RYR3: variants seen among roughly 807,000 people sequenced by gnomAD.
RYR3 encodes the protein brain ryanodine receptor-calcium release channel.
RYR3 carries 207 observed loss-of-function variants against 584.3 expected under a neutral mutation model. The ratio of observed to expected loss-of-function variants is 0.35; its 90% CI spans 0.32 to 0.40. The LOEUF is 0.40. RYR3 is among the 10% of genes least tolerant of loss of function. The probability of loss-of-function intolerance (pLI) is 1.00; values close to 1 mark genes in which losing one functional copy is unlikely to be tolerated. For missense variants in RYR3, 5,616 were observed against 6,089.2 expected (o/e 0.92, Z 2.59); for synonymous variants, 2,416 against 2,248.5 (o/e 1.07, Z -2.11).
intron 12 of RYR3, among the ~76,000 whole-genome samples, chr15:33,570,447 T>C (rs1321158215): frequency 6.6e-6 from 1 of 152,186 alleles, no homozygotes; most frequent in Non-Finnish European, 1.5e-5. Context: ...TATATGCCTG[T>C]CATTATTCCA....
intron 21 of RYR3, 22 bp downstream of exon 21, chr15:33,628,597 TAGGGTGG>T: frequency 6.7e-7 from 1 of 1,487,098 alleles, no homozygotes; most frequent in South Asian, 1.1e-5. Flanking sequence ...AGGGCCAGGT[TAGGGTGG>T]AGGGTGGGAT....
At chr15:33,756,662 T>G (rs1008381384) in intron 59 of RYR3, among the ~76,000 whole-genome samples, 1 of 152,124 alleles carries the variant, frequency 6.6e-6, no homozygotes, top group South Asian at 2.1e-4. Context: ...TCACCTGCAC[T>G]GCATCTGTGG....
At chr15:33,819,038 G>A (rs1173860845) in intron 76 of RYR3, among the ~76,000 whole-genome samples, 5 of 152,138 alleles carry the variant, frequency 3.3e-5, no homozygotes, top group African/African-American at 7.2e-5. Context: ...CAGGACAATC[G>A]CTTGAACCCG....
intron 94 of RYR3, 64 bp downstream of exon 94, chr15:33,848,485 T>A: frequency 6.5e-7 from 1 of 1,528,680 alleles, no homozygotes. Flanking sequence ...AGAGTAACTC[T>A]TTCCTCCTGG....
chr15:33,448,076 G>A (rs2141946294), intron 1 of RYR3, among the ~76,000 whole-genome samples: 1 of 152,268 alleles, frequency 6.6e-6, no homozygotes, highest in South Asian at 2.1e-4. Context: ...GGTTAAATTG[G>A]AGCAAAGCAA....
intron 2 of RYR3, among the ~76,000 whole-genome samples, chr15:33,474,657 C>T (rs2049219570): frequency 6.6e-6 from 1 of 152,180 alleles, no homozygotes; most frequent in African/African-American, 2.4e-5. Flanking sequence ...CACCATCACA[C>T]CCTCTAAGCT....
At chr15:33,664,427 G>A (rs983586819) in intron 36 of RYR3, among the ~76,000 whole-genome samples, 5 of 152,004 alleles carry the variant, frequency 3.3e-5, no homozygotes, top group Admixed American at 3.3e-4. Context: ...TTTCCCCGCT[G>A]CTCAGTGGCT....
chr15:33,834,922 C>T (rs2077940185), intron 86 of RYR3, 46 bp from the exon 87 acceptor site: 1 of 1,506,128 alleles, frequency 6.6e-7, no homozygotes, highest in East Asian at 2.3e-5. Context: ...GGTTTCAGAG[C>T]AACTTGTGAT....
intron 2 of RYR3, among the ~76,000 whole-genome samples, chr15:33,495,012 G>T (rs2142568564): frequency 6.6e-6 from 1 of 152,254 alleles, no homozygotes; most frequent in South Asian, 2.1e-4. Context: ...CGTTTTGGAA[G>T]AAAAAGCTTA....
intron 16 of RYR3, among the ~76,000 whole-genome samples, chr15:33,590,299 C>A (rs758745047): frequency 6.6e-6 from 1 of 152,128 alleles, no homozygotes; most frequent in Admixed American, 6.6e-5. Flanking sequence ...TCAGGGGATA[C>A]GTTGGCTTAG....
intron 93 of RYR3, among the ~76,000 whole-genome samples, chr15:33,846,554 ATCT>A (rs1227933025): frequency 2.0e-5 from 3 of 152,102 alleles, no homozygotes; most frequent in African/African-American, 4.8e-5. Flanking sequence ...ACAGCAAGCC[ATCT>A]TCTTCCCAGG....
At chr15:33,837,599 T>C (rs1301448086) in intron 88 of RYR3, 32 bp from the exon 89 acceptor site, 27 of 1,521,628 alleles carry the variant, frequency 1.8e-5, no homozygotes, top group Non-Finnish European at 2.4e-5. Flanking sequence ...TTTATTTGTA[T>C]ATTTGTATGT....
intron 2 of RYR3, among the ~76,000 whole-genome samples, chr15:33,490,744 T>TAAA (rs3084449): frequency 0.022 from 3,185 of 142,298 alleles, 66 homozygotes; most frequent in African/African-American, 0.055. Flanking sequence ...TTACTCTTGT[T>TAAA]AAAAAAAAAA....
At chr15:33,735,613 G>A (rs2069386264) in intron 48 of RYR3, among the ~76,000 whole-genome samples, 3 of 152,150 alleles carry the variant, frequency 2.0e-5, no homozygotes, top group Admixed American at 6.6e-5. Context: ...CAAAATTCGT[G>A]TTGCTTATCT....
intron 2 of RYR3, among the ~76,000 whole-genome samples, chr15:33,495,475 C>CTGGTG (rs2051332860): frequency 6.6e-6 from 1 of 152,164 alleles, no homozygotes; most frequent in East Asian, 1.9e-4. Context: ...TCTAAAAGCA[C>CTGGTG]TGGTGTAAGG....
intron 86 of RYR3, among the ~76,000 whole-genome samples, chr15:33,831,756 G>A (rs1391063572): frequency 6.6e-6 from 1 of 152,162 alleles, no homozygotes; most frequent in East Asian, 1.9e-4. Context: ...TATAAAATTA[G>A]TAGGCGTATC....
chr15:33,627,156 A>G (rs2061033374), intron 20 of RYR3, among the ~76,000 whole-genome samples: 1 of 152,208 alleles, frequency 6.6e-6, no homozygotes, highest in Admixed American at 6.5e-5. Flanking sequence ...TCCAGCTGAC[A>G]GACACCAGGC....
intron 27 of RYR3, among the ~76,000 whole-genome samples, chr15:33,639,005 C>G (rs990755472): frequency 3.3e-5 from 5 of 152,138 alleles, no homozygotes; most frequent in Non-Finnish European, 5.9e-5. Context: ...AATACTGAGA[C>G]TCAGCCTTTT....
chr15:33,727,493 T>C (rs1240664575), intron 46 of RYR3, among the ~76,000 whole-genome samples: 3 of 152,200 alleles, frequency 2.0e-5, no homozygotes, highest in Non-Finnish European at 4.4e-5. Flanking sequence ...TGATTACATC[T>C]CTGAGAAAAC....
Sources: gnomAD v4.1 joint callset for allele counts (sites outside exome capture counted in the v4.1 genomes callset) on GRCh38, gnomAD v4.1.1 for gene constraint, MANE v1.5 for transcripts, NCBI Gene and HGNC (gene_info 2026-07-23, HGNC 2026-07-21) for gene names.